Variants in DPYD observed in about 807,000 individuals in gnomAD.
DPYD encodes the protein dihydropyrimidine dehydrogenase [NADP(+)].
A neutral mutation model predicts 116.2 loss-of-function variants in DPYD; 109 were observed. The ratio of observed to expected loss-of-function variants is 0.94; its 90% confidence interval spans 0.80 to 1.10. DPYD has a LOEUF of 1.10. Ranked by LOEUF, DPYD falls within the 50% of genes least tolerant of loss-of-function variation. The probability of loss-of-function intolerance (pLI) is 0.00; values close to 1 mark genes in which losing one functional copy is unlikely to be tolerated. For missense variants in DPYD, 1,302 were observed against 1,254.5 expected (o/e 1.04, Z -0.57); for synonymous variants, 440 against 432.0 (o/e 1.02, Z -0.23).
At chr1:97,585,801 A>C (rs1232256620) in intron 10 of DPYD, 4 of 152,222 alleles carry the variant, frequency 2.6e-5, no homozygotes. Flanking sequence ...TCACCTAAAA[A>C]TGAATGAAGT....
intron 3 of DPYD, among the ~76,000 whole-genome samples, chr1:97,795,777 C>A (rs1260533043): frequency 6.6e-6 from 1 of 151,846 alleles, no homozygotes; most frequent in Non-Finnish European, 1.5e-5. Flanking sequence ...ATGACTCATT[C>A]TCTGGAAAAT....
At chr1:97,103,430 C>CAG (rs1408197838) in intron 20 of DPYD, among the ~76,000 whole-genome samples, 2 of 152,010 alleles carry the variant, frequency 1.3e-5, no homozygotes, top group African/African-American at 2.4e-5. Flanking sequence ...AATAAAAAGA[C>CAG]AGAGACAGAA....
chr1:97,531,739 T>C (rs186045359), intron 12 of DPYD, among the ~76,000 whole-genome samples: 2 of 152,168 alleles, frequency 1.3e-5, no homozygotes, highest in Non-Finnish European at 2.9e-5. Context: ...TTAACATTAG[T>C]TTTTCCAATC....
intron 5 of DPYD, among the ~76,000 whole-genome samples, chr1:97,716,322 A>C (rs1225898383): frequency 6.6e-6 from 1 of 152,080 alleles, no homozygotes; most frequent in African/African-American, 2.4e-5. Flanking sequence ...ATAGTTAACA[A>C]AATTCTGAAA....
intron 3 of DPYD, among the ~76,000 whole-genome samples, chr1:97,825,179 C>G (rs564325793): frequency 6.6e-6 from 1 of 152,070 alleles, no homozygotes; most frequent in Non-Finnish European, 1.5e-5. Context: ...AGACTGGGAT[C>G]AGGAGGAAGC....
At chr1:97,868,888 A>G (rs1300895215) in intron 2 of DPYD, among the ~76,000 whole-genome samples, 1 of 151,848 alleles carries the variant, frequency 6.6e-6, no homozygotes, top group East Asian at 1.9e-4. Flanking sequence ...CTATATCTCA[A>G]ACATGATTTA....
intron 7 of DPYD, among the ~76,000 whole-genome samples, chr1:97,686,991 C>A (rs1444260477): frequency 6.6e-6 from 1 of 151,940 alleles, no homozygotes; most frequent in African/African-American, 2.4e-5. Flanking sequence ...ACAAAGGAGG[C>A]CAGGCACGGT....
At chr1:97,451,874 C>T (rs1039228151) in intron 13 of DPYD, among the ~76,000 whole-genome samples, 2 of 152,086 alleles carry the variant, frequency 1.3e-5, no homozygotes, top group African/African-American at 4.8e-5. Context: ...CTGCTTTACT[C>T]CCTACTCTAA....
chr1:97,325,397 A>T (rs1668660421), intron 16 of DPYD, among the ~76,000 whole-genome samples: 1 of 152,026 alleles, frequency 6.6e-6, no homozygotes, highest in Admixed American at 6.6e-5. Context: ...AATGCAACTC[A>T]CAGATTTCTT....
chr1:97,272,198 C>T (rs1374234917), intron 18 of DPYD, among the ~76,000 whole-genome samples: 1 of 152,068 alleles, frequency 6.6e-6, no homozygotes, highest in Non-Finnish European at 1.5e-5. Flanking sequence ...AACATATTTT[C>T]TGGCCTCATG....
At chr1:97,463,928 A>G (rs1677161051) in intron 13 of DPYD, among the ~76,000 whole-genome samples, 1 of 152,136 alleles carries the variant, frequency 6.6e-6, no homozygotes, top group South Asian at 2.1e-4. Context: ...AGAAAAACAG[A>G]GCATAAAAGC....
chr1:97,794,796 T>C (rs1019311575), intron 3 of DPYD, among the ~76,000 whole-genome samples: 2 of 152,176 alleles, frequency 1.3e-5, no homozygotes, highest in African/African-American at 4.8e-5. Flanking sequence ...CAGGGCAGGG[T>C]ACATAGATTT....
At chr1:97,416,645 A>G (rs1674306685) in intron 14 of DPYD, among the ~76,000 whole-genome samples, 1 of 152,200 alleles carries the variant, frequency 6.6e-6, no homozygotes, top group African/African-American at 2.4e-5. Flanking sequence ...GCTTCACATT[A>G]TTCTTGGTGA....
intron 18 of DPYD, among the ~76,000 whole-genome samples, chr1:97,261,426 G>T (rs1321387280): frequency 6.7e-6 from 1 of 150,024 alleles, no homozygotes; most frequent in Non-Finnish European, 1.5e-5. Flanking sequence ...TAAGTATCAA[G>T]TGACACTTGC....
intron 8 of DPYD, among the ~76,000 whole-genome samples, chr1:97,598,560 G>T (rs1655032848): frequency 7.1e-6 from 1 of 140,078 alleles, no homozygotes; most frequent in African/African-American, 2.6e-5. Context: ...ACCTCCTTAA[G>T]AATTATTTTT....
At chr1:97,559,784 T>C (rs956175493) in intron 11 of DPYD, among the ~76,000 whole-genome samples, 3 of 152,126 alleles carry the variant, frequency 2.0e-5, no homozygotes, top group African/African-American at 7.2e-5. Flanking sequence ...GAACTAGCTG[T>C]ATTATCATGC....
intron 5 of DPYD, chr1:97,720,049 C>T (rs1213538905): frequency 4.1e-6 from 4 of 984,588 alleles, no homozygotes; most frequent in African/African-American, 3.5e-5. Context: ...GTGGTAGAAC[C>T]AAGTAAGAGT....
intron 19 of DPYD, among the ~76,000 whole-genome samples, chr1:97,228,425 G>A (rs1171415837): frequency 6.6e-6 from 1 of 152,058 alleles, no homozygotes; most frequent in Non-Finnish European, 1.5e-5. Context: ...ACTAATTTGA[G>A]TGTAAATCTT....
At chr1:97,336,024 G>A (rs1162461524) in intron 16 of DPYD, among the ~76,000 whole-genome samples, 1 of 152,006 alleles carries the variant, frequency 6.6e-6, no homozygotes, top group Non-Finnish European at 1.5e-5. Flanking sequence ...TCATATTTTA[G>A]TCATGAAGTT....
Sources: gnomAD v4.1 joint callset for allele counts (sites outside exome capture counted in the v4.1 genomes callset) on GRCh38, gnomAD v4.1.1 for gene constraint, MANE v1.5 for transcripts, NCBI Gene and HGNC (gene_info 2026-07-23, HGNC 2026-07-21) for gene names.